Variants in PTPRD observed in about 807,000 individuals in gnomAD.
The protein encoded by PTPRD is protein tyrosine phosphatase receptor type D, also known as receptor-type tyrosine-protein phosphatase delta.
In PTPRD, 34 loss-of-function variants were observed where a neutral mutation model predicts 214.5. The observed-to-expected ratio is 0.16, with a 90% CI of 0.12 to 0.21. PTPRD has a LOEUF of 0.21. PTPRD is among the 10% of genes least tolerant of loss of function. PTPRD has a pLI of 1.00. For missense variants in PTPRD, 2,545 were observed against 2,398.7 expected (o/e 1.06, Z -1.27); for synonymous variants, 1,128 against 845.7 (o/e 1.33, Z -5.79).
At chr9:8,828,089 C>G (rs970756705) in intron 11 of PTPRD, among the ~76,000 whole-genome samples, 2 of 152,152 alleles carry the variant, frequency 1.3e-5, no homozygotes, top group African/African-American at 4.8e-5. Context: ...ATACAATCCA[C>G]AGATGAAGAG....
intron 11 of PTPRD, among the ~76,000 whole-genome samples, chr9:8,775,942 C>T (rs7022968): frequency 0.024 from 3,705 of 151,974 alleles, 135 homozygotes; most frequent in African/African-American, 0.085. Context: ...TTAGGCTGGG[C>T]CAGTCCTAAC....
chr9:8,431,901 T>C (rs1251375786), intron 35 of PTPRD, among the ~76,000 whole-genome samples: 1 of 152,228 alleles, frequency 6.6e-6, no homozygotes, highest in Non-Finnish European at 1.5e-5. Context: ...TCAGAAGGAA[T>C]GGTATCAGCT....
chr9:8,852,559 C>T (rs577426015), intron 11 of PTPRD, among the ~76,000 whole-genome samples: 1 of 152,336 alleles, frequency 6.6e-6, no homozygotes, highest in East Asian at 1.9e-4. Flanking sequence ...GCAAGGTTTG[C>T]TCGTCGCAGG....
At chr9:9,075,570 C>G (rs1024896396) in intron 10 of PTPRD, among the ~76,000 whole-genome samples, 6 of 152,052 alleles carry the variant, frequency 3.9e-5, no homozygotes, top group African/African-American at 1.4e-4. Context: ...CATCCCCCAC[C>G]CCACAACAGG....
At chr9:9,437,789 G>A (rs752255979) in intron 8 of PTPRD, among the ~76,000 whole-genome samples, 4 of 152,134 alleles carry the variant, frequency 2.6e-5, no homozygotes, top group Admixed American at 1.3e-4. Context: ...CAGTTAACCC[G>A]AGGGGATATG....
intron 2 of PTPRD, among the ~76,000 whole-genome samples, chr9:10,424,480 G>C (rs868121180): frequency 1.3e-5 from 2 of 151,816 alleles, no homozygotes; most frequent in African/African-American, 4.8e-5. Flanking sequence ...GAAAAGGAGG[G>C]ATTGAAAACT....
intron 2 of PTPRD, among the ~76,000 whole-genome samples, chr9:10,523,607 A>T (rs1340896457): frequency 8.0e-6 from 1 of 125,604 alleles, no homozygotes; most frequent in Non-Finnish European, 1.7e-5. Flanking sequence ...ATCTGTATAT[A>T]TATATATATA....
chr9:9,288,949 CATGATT>C (rs935228662), intron 9 of PTPRD, among the ~76,000 whole-genome samples: 1 of 151,826 alleles, frequency 6.6e-6, no homozygotes, highest in Non-Finnish European at 1.5e-5. Flanking sequence ...CCCCTTATGC[CATGATT>C]ATAAGTTTCC....
At chr9:9,942,155 TTG>T (rs1412034098) in intron 4 of PTPRD, among the ~76,000 whole-genome samples, 2 of 152,142 alleles carry the variant, frequency 1.3e-5, no homozygotes, top group Non-Finnish European at 2.9e-5. Flanking sequence ...ACCACATTGA[TTG>T]GCATCTGTGT....
chr9:9,017,932 G>A (rs746916361), intron 11 of PTPRD, among the ~76,000 whole-genome samples: 1 of 151,812 alleles, frequency 6.6e-6, no homozygotes, highest in Non-Finnish European at 1.5e-5. Flanking sequence ...TTAGTTTCCA[G>A]TCTCTACTTA....
At chr9:9,693,808 A>T (rs144741674) in intron 7 of PTPRD, among the ~76,000 whole-genome samples, 1 of 152,120 alleles carries the variant, frequency 6.6e-6, no homozygotes, top group Non-Finnish European at 1.5e-5. Flanking sequence ...GTCTCCTCTG[A>T]CTGTATTTTC....
intron 9 of PTPRD, among the ~76,000 whole-genome samples, chr9:9,269,322 G>A (rs148354383): frequency 6.6e-6 from 1 of 151,180 alleles, no homozygotes; most frequent in African/African-American, 2.4e-5. Context: ...CCTCACACCC[G>A]TTAGGATGGC....
At chr9:9,563,841 C>T (rs1040361806) in intron 8 of PTPRD, among the ~76,000 whole-genome samples, 4 of 152,146 alleles carry the variant, frequency 2.6e-5, no homozygotes, top group African/African-American at 9.7e-5. Context: ...TGACAACCAA[C>T]ATGCTTTACC....
chr9:9,874,581 T>C (rs1010195244), intron 5 of PTPRD, among the ~76,000 whole-genome samples: 1 of 152,174 alleles, frequency 6.6e-6, no homozygotes, highest in Admixed American at 6.6e-5. Flanking sequence ...GGAAAGAAAA[T>C]GAACTCAACT....
At chr9:8,380,254 A>G (rs2084591123) in intron 37 of PTPRD, among the ~76,000 whole-genome samples, 1 of 152,160 alleles carries the variant, frequency 6.6e-6, no homozygotes, top group Non-Finnish European at 1.5e-5. Flanking sequence ...CCCTCAATCC[A>G]TTAGCCTTAC....
intron 3 of PTPRD, among the ~76,000 whole-genome samples, chr9:10,064,986 G>A (rs1289217486): frequency 6.6e-6 from 1 of 151,770 alleles, no homozygotes; most frequent in Non-Finnish European, 1.5e-5. Context: ...ATAGTGATTT[G>A]AATTTTAACA....
At chr9:8,586,377 C>T (rs570800012) in intron 14 of PTPRD, among the ~76,000 whole-genome samples, 2 of 152,264 alleles carry the variant, frequency 1.3e-5, no homozygotes, top group Admixed American at 1.3e-4. Flanking sequence ...TGTATTAAGT[C>T]TTCACCAGCT....
chr9:9,875,838 T>C (rs553433562), intron 5 of PTPRD, among the ~76,000 whole-genome samples: 1 of 152,254 alleles, frequency 6.6e-6, no homozygotes, highest in South Asian at 2.1e-4. Context: ...TTATGTTAAC[T>C]GATAAAAGTT....
intron 12 of PTPRD, among the ~76,000 whole-genome samples, chr9:8,724,597 G>A (rs1474167258): frequency 1.3e-5 from 2 of 152,072 alleles, no homozygotes; most frequent in Non-Finnish European, 2.9e-5. Flanking sequence ...TAAAAACCAA[G>A]ATTTTGAACA....
Sources: gnomAD v4.1 joint callset for allele counts (sites outside exome capture counted in the v4.1 genomes callset) on GRCh38, gnomAD v4.1.1 for gene constraint, MANE v1.5 for transcripts, NCBI Gene and HGNC (gene_info 2026-07-23, HGNC 2026-07-21) for gene names.